Variants in COA1 observed in about 807,000 individuals in gnomAD.
COA1 encodes the protein cytochrome c oxidase assembly factor 1, also known as cytochrome c oxidase assembly factor 1 homolog.
A neutral mutation model predicts 16.0 loss-of-function variants in COA1; 13 were observed. The observed-to-expected ratio is 0.81, with a 90% CI of 0.53 to 1.29. COA1 has a LOEUF of 1.29. COA1 is among the 50% of genes most tolerant of loss of function. The pLI, the probability that COA1 is intolerant of heterozygous loss-of-function variation, is 0.00. For synonymous variants in COA1, 65 were observed against 65.7 expected (o/e 0.99, Z 0.05); for missense variants, 179 against 177.0 (o/e 1.01, Z -0.06).
At chr7:43,610,670 AAAAG>A (rs1473872232) in intron 6 of COA1, among the ~76,000 whole-genome samples, 1 of 152,292 alleles carries the variant, frequency 6.6e-6, no homozygotes, top group Admixed American at 6.5e-5. Context: ...TCGTCTCAAA[AAAAG>A]AACTGCTATA....
chr7:43,701,735 G>A (rs2094749540), intron 1 of COA1, among the ~76,000 whole-genome samples: 1 of 152,096 alleles, frequency 6.6e-6, no homozygotes, highest in Non-Finnish European at 1.5e-5. Context: ...CCTTTTCTCT[G>A]CAACCTTGCC....
At chr7:43,708,901 GA>G (rs1430875922) in intron 1 of COA1, among the ~76,000 whole-genome samples, 2 of 152,062 alleles carry the variant, frequency 1.3e-5, no homozygotes, top group Non-Finnish European at 2.9e-5. Context: ...TTGATAAGCA[GA>G]AATTCTTGGT....
chr7:43,700,949 C>T (rs1176599221), intron 1 of COA1, among the ~76,000 whole-genome samples: 2 of 152,078 alleles, frequency 1.3e-5, no homozygotes, highest in African/African-American at 4.8e-5. Context: ...TAAATCCTGC[C>T]TATCTCACCT....
chr7:43,632,090 T>C (rs1339374080), intron 6 of COA1: 2 of 152,458 alleles, frequency 1.3e-5, no homozygotes, highest in Admixed American at 6.5e-5. Flanking sequence ...TTACCCACAG[T>C]AGAACTTCAA....
chr7:43,657,699 G>A (rs1330054470), intron 1 of COA1, among the ~76,000 whole-genome samples: 2 of 151,896 alleles, frequency 1.3e-5, no homozygotes, highest in African/African-American at 2.4e-5. Context: ...AAAAAAAATA[G>A]GGTGTTAAGA....
chr7:43,640,769 G>A (rs1160464481), intron 4 of COA1, 120 bp from the exon 5 acceptor site: 1 of 703,400 alleles, frequency 1.4e-6, no homozygotes, highest in Non-Finnish European at 2.3e-6. Context: ...CTCCACAGAA[G>A]TGAGTTCTTT....
At chr7:43,693,031 C>A (rs554072882) in intron 1 of COA1, among the ~76,000 whole-genome samples, 1 of 152,244 alleles carries the variant, frequency 6.6e-6, no homozygotes, top group African/African-American at 2.4e-5. Flanking sequence ...GGAAATGGTA[C>A]GTTTACAAGC....
intron 6 of COA1, among the ~76,000 whole-genome samples, chr7:43,629,917 T>C (rs2084999012): frequency 6.6e-6 from 1 of 152,228 alleles, no homozygotes; most frequent in Non-Finnish European, 1.5e-5. Context: ...AAAATTACTT[T>C]TGTGTAACTT....
intron 1 of COA1, among the ~76,000 whole-genome samples, chr7:43,659,988 A>C (rs535021433): frequency 6.6e-6 from 1 of 152,356 alleles, no homozygotes; most frequent in East Asian, 1.9e-4. Context: ...TTAAGACAAA[A>C]GGAGAGGGTG....
chr7:43,670,845 C>T (rs1369848880), intron 1 of COA1, among the ~76,000 whole-genome samples: 1 of 152,176 alleles, frequency 6.6e-6, no homozygotes, highest in Non-Finnish European at 1.5e-5. Context: ...CATAACTCTG[C>T]AAGCTAAGGT....
chr7:43,651,433 T>C lies in COA1; in HGVS notation c.-38-2781A>G, dbSNP rs189385200. ...TCCAAAGGCAAATAGTTTATAAACC[T>C]TTTCCAAAGTACTAAACCCTTTCTA... On this transcript the variant is annotated intron_variant, in intron 1 of 5. Coordinates refer to ENST00000223336, the MANE Select transcript of COA1 (RefSeq NM_018224.4). Among the ~76,000 whole-genome samples, 10 of 152,202 alleles carry C rather than the reference T, an allele frequency of 6.6e-5. No homozygotes were observed. The East Asian group carries it at 1.9e-3, about 29-fold the overall frequency.
intron 6 of COA1, among the ~76,000 whole-genome samples, chr7:43,633,948 A>T (rs956328513): frequency 1.3e-5 from 2 of 152,092 alleles, no homozygotes; most frequent in African/African-American, 4.8e-5. Context: ...TTCATCTTTA[A>T]ATTCAGTGAT....
intron 1 of COA1, among the ~76,000 whole-genome samples, chr7:43,654,263 C>A (rs141471511): frequency 1.2e-3 from 179 of 152,286 alleles, no homozygotes; most frequent in African/African-American, 4.2e-3. Context: ...TTCCCCACCC[C>A]ACTCTGTTTC....
rs995996552 is a variant in COA1, at chr7:43,619,840, A to G, written c.*134-10345T>C. Reference sequence around the variant, plus strand: ...CTATCTACTATGTTGAAATTCTACCATCAGAGATCTATTCCTTTGGATTAC... The same window carrying G: ...CTATCTACTATGTTGAAATTCTACCGTCAGAGATCTATTCCTTTGGATTAC... On this transcript the variant is annotated intron_variant and NMD_transcript_variant, in intron 6 of 6. Transcript: ENST00000415076. 2.4e-5 allele frequency: 31 copies of G among 1,309,560 alleles called. No individual in the cohort carries two copies. In the African/African-American group the frequency reaches 4.3e-4, roughly 18 times the overall value. The allele number at this position is 1,309,560 out of a possible 1,614,324, so 81.1% of individuals were successfully genotyped here.
chr7:43,692,337 G>A (rs2094398542), intron 1 of COA1, among the ~76,000 whole-genome samples: 1 of 152,136 alleles, frequency 6.6e-6, no homozygotes, highest in African/African-American at 2.4e-5. Flanking sequence ...TACGCAACAT[G>A]GTGAAGCCAT....
At chr7:43,627,807 A>C (rs984624889) in intron 6 of COA1, among the ~76,000 whole-genome samples, 1 of 152,140 alleles carries the variant, frequency 6.6e-6, no homozygotes, top group African/African-American at 2.4e-5. Flanking sequence ...AGGCTTGACA[A>C]ATGTACTCAC....
chr7:43,648,590 A>G lies in COA1; in HGVS notation c.15+10T>C, dbSNP rs2090081863. The G allele has an allele frequency of 1.2e-6, 2 of 1,614,120 alleles. No homozygotes were observed. The highest frequency in any genetic ancestry group is 4.5e-5 in the East Asian group (2 of 44,888). On this transcript the variant is annotated intron_variant, in intron 2 of 5. Transcript: ENST00000223336. ...CTAGTGGGGAACTTGGCCCTGGAAC[A>G]TTCCATTACCTTTTGCCACATCATA...
At position 43,651,963 on chromosome 7, in the gene COA1, C is replaced by T. The variant is rs967481890; in HGVS notation, c.-38-3311G>A. Among the ~76,000 whole-genome samples the T allele has an allele frequency of 3.3e-5, 5 of 152,180 alleles. No individual in the cohort carries two copies. In the South Asian group the frequency reaches 1.0e-3, roughly 32 times the overall value. On this transcript the variant is annotated intron_variant, in intron 1 of 5. Coordinates refer to ENST00000223336, the MANE Select transcript of COA1 (RefSeq NM_018224.4). The stretch of plus-strand genomic sequence containing the variant: ...CATGAGCCGAGACCATGCCCCTGCA[C>T]TCCAGCCTGGGCAACAGAGCGAGGC...
rs368022070 is a variant in COA1 at position 43,690,078 on chromosome 7, T to C, written c.-39+39351A>G. Among the ~76,000 whole-genome samples the C allele has an allele frequency of 3.5e-4, 53 of 152,124 alleles. 1 individual carries two copies. In the East Asian group the frequency reaches 3.9e-3, roughly 11 times the overall value. ...TGTAAATTGTCTGCAAGAATGGCCATAATCAAAAAATAAAATAATAATAAT... is the reference window on the plus strand; with the variant it reads ...TGTAAATTGTCTGCAAGAATGGCCACAATCAAAAAATAAAATAATAATAAT... On this transcript the variant is annotated intron_variant, in intron 1 of 5. Coordinates refer to ENST00000223336, the MANE Select transcript of COA1 (RefSeq NM_018224.4).
Sources: allele counts gnomAD v4.1 joint callset (sites outside exome capture counted in the v4.1 genomes callset), GRCh38; gene constraint gnomAD v4.1.1; transcripts MANE v1.5; gene names NCBI Gene and HGNC (gene_info 2026-07-23, HGNC 2026-07-21).